The following CUL4A variants were observed in gnomAD, a reference collection of about 807,000 sequenced individuals.
CUL4A encodes cullin 4A, also known as cullin-4A.
CUL4A carries 16 observed loss-of-function variants against 95.5 expected under a neutral mutation model. The ratio of observed to expected loss-of-function variants is 0.17; its 90% confidence interval spans 0.11 to 0.25. The LOEUF (loss-of-function observed/expected upper bound fraction) is 0.25, where lower values mean the gene tolerates loss of function less well. Ranked by LOEUF, CUL4A falls within the 10% of genes least tolerant of loss-of-function variation. The pLI is 1.00. For synonymous variants in CUL4A, 380 were observed against 353.1 expected (o/e 1.08, Z -0.85); for missense variants, 610 against 937.0 (o/e 0.65, Z 4.56).
At chr13:113,208,297 G>A (rs1355802918), upstream of CUL4A, 16 of 1,431,354 alleles carry the variant, frequency 1.1e-5, 1 homozygote, top group African/African-American at 1.0e-4. Flanking sequence ...TGGGAGCGCG[G>A]CCACACGTGC....
At chr13:113,216,304 T>C (rs1383549997) in intron 2 of CUL4A, among the ~76,000 whole-genome samples, 1 of 152,260 alleles carries the variant, frequency 6.6e-6, no homozygotes, top group Non-Finnish European at 1.5e-5. Flanking sequence ...GCATTTTGTT[T>C]AAGTAGCAGT....
Position 113,228,002 on chromosome 13 carries a change from T to C in CUL4A, c.395T>C (p.Leu132Ser). ...REDSLDSVLF[L>S]KKINTCWQDH... is the part of the protein sequence containing the mutation. ...GACTCACTAGATAGTGTTTTATTTT[T>C]AAAGAAGATTAACACGTGCTGGCAG... The change falls in exon 4 of 20, where the codon TTA becomes TCA. Residue 132 changes from leucine to serine, a missense_variant. Leu to Ser is a moderately radical substitution (Grantham distance 145). Transcript: ENST00000375440. 1 of 1,613,576 alleles carries C rather than the reference T, an allele frequency of 6.2e-7. No homozygotes were observed. Among genetic ancestry groups the C allele is most frequent in the Non-Finnish European group, 8.5e-7 (1 of 1,179,462 alleles).
At chr13:113,250,267 C>T (rs1044899414) in intron 15 of CUL4A, among the ~76,000 whole-genome samples, 4 of 152,106 alleles carry the variant, frequency 2.6e-5, no homozygotes, top group African/African-American at 9.7e-5. Context: ...GCCTAGACGA[C>T]ATGGTAAAGC....
rs116370663 is a variant in CUL4A, at chr13:113,231,923, G to A, written c.513-1254G>A. ...CCAGGGCCCTCTGCACACCTGTGTG[G>A]CACCCACCACTGCGGCTGCTGCCAC... is the stretch of plus-strand genomic sequence containing the variant. On this transcript the variant is annotated intron_variant, in intron 5 of 19. Coordinates refer to ENST00000375440, the MANE Select transcript of CUL4A (RefSeq NM_001008895.4). Among the ~76,000 whole-genome samples the A allele has an allele frequency of 7.9e-3, 1,193 of 151,898 alleles. 15 individuals are homozygous for A. Among genetic ancestry groups the A allele is most frequent in the African/African-American group, 0.027 (1,122 of 41,278 alleles).
In CUL4A at chr13:113,263,540, G is replaced by A; in HGVS notation, c.2238G>A (p.Glu746=). 6.2e-7 allele frequency: 1 copy of A among 1,609,814 alleles called. No individual in the cohort carries two copies. Among genetic ancestry groups the A allele is most frequent in the Non-Finnish European group, 8.5e-7 (1 of 1,178,234 alleles). The stretch of plus-strand genomic sequence containing the variant: ...CTCTGATAGACAGAGACTATATGGA[G>A]AGAGACAAAGACAATCCGAATCAGT... ...IESLIDRDYM[E]RDKDNPNQYH... is the part of the protein sequence containing the mutation. Residue 746 remains glutamate, a synonymous_variant, in exon 20 of 20, where the codon GAG becomes GAA. Coordinates refer to ENST00000375440, the MANE Select transcript of CUL4A (RefSeq NM_001008895.4).
At chr13:113,246,118 C>G in intron 15 of CUL4A, 55 bp downstream of exon 15, 1 of 1,325,994 alleles carries the variant, frequency 7.5e-7, no homozygotes, top group South Asian at 1.2e-5. Context: ...TTACCAGGCA[C>G]AGATATGTTG....
At chr13:113,237,187 G>A (rs748811406) in intron 9 of CUL4A, among the ~76,000 whole-genome samples, 1 of 152,154 alleles carries the variant, frequency 6.6e-6, no homozygotes, top group African/African-American at 2.4e-5. Flanking sequence ...TGAGCCTGTT[G>A]CAGCTCTCTG....
intron 5 of CUL4A, among the ~76,000 whole-genome samples, chr13:113,231,331 G>A (rs2041301408): frequency 6.6e-6 from 1 of 152,180 alleles, no homozygotes; most frequent in Non-Finnish European, 1.5e-5. Context: ...ATGAGCAAAG[G>A]TGGTCAGGCA....
rs1306923206 is a variant in CUL4A, at chr13:113,264,138, A to AT, written c.*559dup. The AT allele has an allele frequency of 6.6e-6, 1 of 152,182 alleles. No homozygotes were observed. Among genetic ancestry groups the AT allele is most frequent in the African/African-American group, 2.4e-5 (1 of 41,442 alleles). 9.4% of individuals were successfully genotyped at this position (152,182 alleles called of 1,614,324 possible). On this transcript the variant is annotated 3_prime_UTR_variant, in exon 20 of 20. Transcript: ENST00000375440. The stretch of plus-strand genomic sequence containing the variant: ...CCACTGGCCCCTCTCTGTTTCATGT[A>AT]TTTCCAAAAGTTGTAAACTTTGATG...
chr13:113,249,140 G>T (rs2041928461), intron 15 of CUL4A, among the ~76,000 whole-genome samples: 1 of 152,184 alleles, frequency 6.6e-6, no homozygotes, highest in Admixed American at 6.5e-5. Flanking sequence ...TCACAGAAAT[G>T]GAATCACAAT....
intron 3 of CUL4A, among the ~76,000 whole-genome samples, chr13:113,221,590 T>G (rs910786564): frequency 6.6e-6 from 1 of 152,138 alleles, no homozygotes; most frequent in African/African-American, 2.4e-5. Flanking sequence ...TATTTATTTA[T>G]TTTTGTGAGA....
intron 9 of CUL4A, 151 bp from the exon 10 acceptor site, chr13:113,239,282 G>A: frequency 1.4e-6 from 1 of 708,164 alleles, no homozygotes. Context: ...TATTTAACCA[G>A]ATCAACCTGC....
At chr13:113,257,769 ACATT>A (rs976050988) in intron 18 of CUL4A, among the ~76,000 whole-genome samples, 5 of 152,334 alleles carry the variant, frequency 3.3e-5, no homozygotes, top group African/African-American at 7.2e-5. Context: ...GTTTTAAAAA[ACATT>A]TATACTATGT....
At chr13:113,226,448 A>AT (rs1272626208) in intron 3 of CUL4A, among the ~76,000 whole-genome samples, 1 of 152,086 alleles carries the variant, frequency 6.6e-6, no homozygotes, top group Non-Finnish European at 1.5e-5. Flanking sequence ...GGTTGGGGAG[A>AT]TTTTCAGTGA....
chr13:113,252,072 C>T (rs2042008074), intron 15 of CUL4A, among the ~76,000 whole-genome samples: 2 of 152,098 alleles, frequency 1.3e-5, no homozygotes, highest in African/African-American at 4.8e-5. Flanking sequence ...CCAGGAAGGG[C>T]ATGCAGAAGT....
chr13:113,244,362 GCTC>G (rs1236046204), intron 11 of CUL4A, 45 bp from the exon 12 acceptor site: 3 of 1,328,518 alleles, frequency 2.3e-6, no homozygotes, highest in Non-Finnish European at 3.2e-6. Flanking sequence ...AATTGAAGAT[GCTC>G]TCTTTTTCTA....
chr13:113,212,104 C>T (rs143357894), intron 2 of CUL4A, among the ~76,000 whole-genome samples: 18 of 152,322 alleles, frequency 1.2e-4, no homozygotes, highest in African/African-American at 4.1e-4. Context: ...TATGTATCTT[C>T]GTTGACGAAG....
chr13:113,262,295 A>G (rs2042301763), intron 19 of CUL4A, among the ~76,000 whole-genome samples: 1 of 152,204 alleles, frequency 6.6e-6, no homozygotes, highest in Non-Finnish European at 1.5e-5. Flanking sequence ...TAGTGCAGGA[A>G]CACTGGGGAT....
chr13:113,248,041 G>A (rs9549712), intron 15 of CUL4A, among the ~76,000 whole-genome samples: 31,029 of 152,082 alleles, frequency 0.2, 3,837 homozygotes, highest in South Asian at 0.42. Context: ...ACTATCACGT[G>A]CCCCAGTGTC....
Sources: allele counts gnomAD v4.1 joint callset (sites outside exome capture counted in the v4.1 genomes callset), GRCh38; gene constraint gnomAD v4.1.1; transcripts MANE v1.5; gene names NCBI Gene and HGNC (gene_info 2026-07-23, HGNC 2026-07-21).